Variants in CDK14 observed in about 807,000 individuals in gnomAD.
CDK14 encodes the protein cyclin-dependent kinase 14.
A neutral mutation model predicts 60.7 loss-of-function variants in CDK14; 34 were observed. The ratio of observed to expected loss-of-function variants is 0.56; its 90% CI spans 0.43 to 0.75. CDK14 has a LOEUF of 0.75. CDK14 is among the 30% of genes least tolerant of loss of function. The pLI, the probability that CDK14 is intolerant of heterozygous loss-of-function variation, is 0.00. For missense variants in CDK14, 482 were observed against 564.1 expected (o/e 0.85, Z 1.47); for synonymous variants, 197 against 203.7 (o/e 0.97, Z 0.28).
At chr7:91,145,888 T>G (rs1270056743) in intron 14 of CDK14, among the ~76,000 whole-genome samples, 1 of 151,996 alleles carries the variant, frequency 6.6e-6, no homozygotes, top group Non-Finnish European at 1.5e-5. Context: ...AAACAAGCCC[T>G]TTAAACTTCA....
chr7:91,055,518 C>T (rs943824912), intron 11 of CDK14, among the ~76,000 whole-genome samples: 1 of 152,134 alleles, frequency 6.6e-6, no homozygotes, highest in African/African-American at 2.4e-5. Context: ...AAATGAAGTT[C>T]TACTGATAGC....
intron 11 of CDK14, among the ~76,000 whole-genome samples, chr7:91,048,999 C>T (rs1797313613): frequency 1.3e-5 from 2 of 152,012 alleles, no homozygotes; most frequent in African/African-American, 4.8e-5. Context: ...CTCAGCCTCT[C>T]AGGTAGCTGG....
intron 8 of CDK14, among the ~76,000 whole-genome samples, chr7:90,938,842 A>C (rs7803761): frequency 0.15 from 23,399 of 152,190 alleles, 1,914 homozygotes; most frequent in Non-Finnish European, 0.18. Flanking sequence ...GTTTTGAGAC[A>C]TATATACTGT....
intron 9 of CDK14, among the ~76,000 whole-genome samples, chr7:90,965,170 C>T (rs1465068247): frequency 6.6e-6 from 1 of 152,142 alleles, no homozygotes; most frequent in Non-Finnish European, 1.5e-5. Flanking sequence ...TCCCCATCCC[C>T]ACTTTGTCTC....
At chr7:90,615,739 T>C (rs1382579452) in intron 2 of CDK14, among the ~76,000 whole-genome samples, 1 of 152,184 alleles carries the variant, frequency 6.6e-6, no homozygotes, top group Admixed American at 6.5e-5. Context: ...TTTTTCTATT[T>C]TAACGGATTT....
chr7:90,665,724 C>T (rs150634888), intron 2 of CDK14, among the ~76,000 whole-genome samples: 7 of 152,306 alleles, frequency 4.6e-5, no homozygotes, highest in African/African-American at 1.2e-4. Context: ...GAGAACTACA[C>T]ATTTAAAAAT....
At chr7:90,783,472 G>A (rs542887362) in intron 4 of CDK14, among the ~76,000 whole-genome samples, 2 of 152,162 alleles carry the variant, frequency 1.3e-5, no homozygotes, top group South Asian at 4.1e-4. Flanking sequence ...ACAAAGTGAA[G>A]AGACAGCCTA....
At chr7:91,044,150 C>T (rs1797168770) in intron 10 of CDK14, among the ~76,000 whole-genome samples, 1 of 151,602 alleles carries the variant, frequency 6.6e-6, no homozygotes, top group South Asian at 2.1e-4. Context: ...CAGGCTGCAG[C>T]TGGGTTTTAT....
At chr7:91,190,583 A>G (rs971278332) in intron 14 of CDK14, among the ~76,000 whole-genome samples, 3 of 152,178 alleles carry the variant, frequency 2.0e-5, no homozygotes, top group Admixed American at 6.5e-5. Flanking sequence ...TCTGTGTCTC[A>G]GGTTCAAGCG....
chr7:90,627,565 T>C (rs1799903436), intron 2 of CDK14, among the ~76,000 whole-genome samples: 1 of 152,180 alleles, frequency 6.6e-6, no homozygotes, highest in Admixed American at 6.5e-5. Context: ...CATTGCGTTA[T>C]ACTGGCAATT....
intron 2 of CDK14, among the ~76,000 whole-genome samples, chr7:90,652,492 G>A (rs1372003188): frequency 6.6e-6 from 1 of 152,172 alleles, no homozygotes; most frequent in Non-Finnish European, 1.5e-5. Flanking sequence ...ATATCAGGTA[G>A]GTGCATTGAG....
intron 8 of CDK14, among the ~76,000 whole-genome samples, chr7:90,954,142 C>T (rs1232064322): frequency 6.6e-6 from 1 of 152,024 alleles, no homozygotes; most frequent in African/African-American, 2.4e-5. Context: ...ATTATTAAAA[C>T]TGACTGGTAG....
intron 14 of CDK14, among the ~76,000 whole-genome samples, chr7:91,201,870 T>C (rs1802739718): frequency 6.6e-6 from 1 of 152,204 alleles, no homozygotes; most frequent in African/African-American, 2.4e-5. Context: ...CAGAAATGCA[T>C]GAAGTGCAGC....
intron 2 of CDK14, among the ~76,000 whole-genome samples, chr7:90,672,810 G>A (rs545206524): frequency 7.9e-5 from 12 of 151,936 alleles, no homozygotes; most frequent in South Asian, 2.1e-4. Flanking sequence ...GAGCCACCTC[G>A]CCTGGGTCAT....
intron 5 of CDK14, among the ~76,000 whole-genome samples, chr7:90,817,554 A>T (rs1440801205): frequency 6.6e-6 from 1 of 152,200 alleles, no homozygotes; most frequent in Non-Finnish European, 1.5e-5. Flanking sequence ...AATTTTCTTG[A>T]TAGAGACTGA....
chr7:91,007,958 G>T (rs1796025978), intron 10 of CDK14, among the ~76,000 whole-genome samples: 1 of 151,776 alleles, frequency 6.6e-6, no homozygotes, highest in South Asian at 2.1e-4. Context: ...TGTAAGAGTT[G>T]CAGCCTTTGT....
At chr7:90,736,091 C>T (rs957227299) in intron 3 of CDK14, among the ~76,000 whole-genome samples, 2 of 151,318 alleles carry the variant, frequency 1.3e-5, no homozygotes, top group African/African-American at 4.8e-5. Flanking sequence ...AATCCCTTTA[C>T]CCCTTGCGCT....
intron 2 of CDK14, among the ~76,000 whole-genome samples, chr7:90,670,987 C>T (rs557833913): frequency 3.3e-5 from 5 of 152,120 alleles, no homozygotes; most frequent in Middle Eastern, 3.4e-3. Flanking sequence ...AGTAAAATTG[C>T]TGAGGAAAAA....
At chr7:90,698,084 A>AAAAG (rs1554436333) in intron 2 of CDK14, among the ~76,000 whole-genome samples, 5 of 146,062 alleles carry the variant, frequency 3.4e-5, no homozygotes, top group African/African-American at 7.5e-5. Flanking sequence ...AAAAAAAAAA[A>AAAAG]AAAAAGAAAA....
Sources: allele counts gnomAD v4.1 joint callset (sites outside exome capture counted in the v4.1 genomes callset), GRCh38; gene constraint gnomAD v4.1.1; transcripts MANE v1.5; gene names NCBI Gene and HGNC (gene_info 2026-07-23, HGNC 2026-07-21).